GRID2: variants seen among roughly 807,000 people sequenced by gnomAD.
GRID2 encodes glutamate receptor ionotropic, delta-2.
GRID2 carries 33 observed loss-of-function variants against 114.8 expected under a neutral mutation model. The ratio of observed to expected loss-of-function variants is 0.29; its 90% confidence interval spans 0.22 to 0.38. The LOEUF is 0.38. Among genes scored for constraint, GRID2 ranks in the 10% least tolerant of loss-of-function variants. The pLI is 1.00. For missense variants in GRID2, 1,184 were observed against 1,257.7 expected, an observed-to-expected ratio of 0.94 and a Z score of 0.89; for synonymous variants, 505 against 449.9, an observed-to-expected ratio of 1.12 and a Z score of -1.55.
chr4:93,394,724 T>G (rs1344351590), intron 8 of GRID2, among the ~76,000 whole-genome samples: 2 of 152,026 alleles, frequency 1.3e-5, no homozygotes, highest in Non-Finnish European at 2.9e-5. Context: ...GGCTCATGGA[T>G]CTGCTTTCAG....
intron 2 of GRID2, among the ~76,000 whole-genome samples, chr4:92,946,836 C>A (rs1751675298): frequency 6.6e-6 from 1 of 152,002 alleles, no homozygotes; most frequent in South Asian, 2.1e-4. Context: ...AATAGGCCTG[C>A]ATGAAAGCCA....
chr4:92,959,850 A>T (rs1254521009), intron 2 of GRID2, among the ~76,000 whole-genome samples: 1 of 151,864 alleles, frequency 6.6e-6, no homozygotes, highest in East Asian at 1.9e-4. Context: ...ACTGGGGCCT[A>T]TTGGGGGATA....
intron 8 of GRID2, among the ~76,000 whole-genome samples, chr4:93,387,036 A>G (rs1764385612): frequency 6.6e-6 from 1 of 152,190 alleles, no homozygotes; most frequent in Admixed American, 6.5e-5. Flanking sequence ...TCCTCTGTGA[A>G]GGCCTCCCAG....
At chr4:92,780,012 G>A (rs1429970403) in intron 2 of GRID2, among the ~76,000 whole-genome samples, 1 of 152,012 alleles carries the variant, frequency 6.6e-6, no homozygotes, top group Non-Finnish European at 1.5e-5. Context: ...TTAATAGAGA[G>A]AAATGAAAAA....
chr4:93,616,668 A>G (rs570411023), intron 13 of GRID2, among the ~76,000 whole-genome samples: 265 of 150,686 alleles, frequency 1.8e-3, no homozygotes, highest in African/African-American at 6.2e-3. Context: ...TTAAATTTAC[A>G]CTTGCAATGT....
intron 2 of GRID2, among the ~76,000 whole-genome samples, chr4:92,624,326 A>G (rs1285968597): frequency 2.6e-5 from 4 of 151,814 alleles, no homozygotes. Context: ...ACAACATGCT[A>G]TGAGTGATTT....
rs529325890 is a variant in GRID2, at chr4:93,127,080, A to G, written c.735+16127A>G. On this transcript the variant is annotated intron_variant, in intron 4 of 15. Transcript: ENST00000282020. ...CAAAAAACCCAATGGCATAGATAGA[A>G]CAGTATCTTAATTTCACAAATAAAA... Among the ~76,000 whole-genome samples, 8 of 152,328 alleles carry G rather than the reference A, an allele frequency of 5.3e-5. No homozygotes were observed. The East Asian group carries it at 1.5e-3, about 29-fold the overall frequency.
chr4:93,521,528 G>T (rs1017998489), intron 13 of GRID2, among the ~76,000 whole-genome samples: 1 of 152,084 alleles, frequency 6.6e-6, no homozygotes. Context: ...TCATGATAAA[G>T]GGTGATGAAT....
intron 2 of GRID2, among the ~76,000 whole-genome samples, chr4:92,996,023 C>T (rs979016848): frequency 4.0e-5 from 6 of 151,878 alleles, no homozygotes; most frequent in African/African-American, 1.5e-4. Flanking sequence ...GGCACAGTGG[C>T]TCATGCCTGT....
At chr4:93,720,312 G>A (rs1289774299) in intron 14 of GRID2, among the ~76,000 whole-genome samples, 1 of 152,114 alleles carries the variant, frequency 6.6e-6, no homozygotes, top group African/African-American at 2.4e-5. Flanking sequence ...TGATTATGTA[G>A]CAACCAAGGT....
At chr4:93,499,366 T>C (rs1264973044) in intron 12 of GRID2, among the ~76,000 whole-genome samples, 2 of 151,938 alleles carry the variant, frequency 1.3e-5, no homozygotes, top group Non-Finnish European at 2.9e-5. Context: ...AAAATTGGCT[T>C]GAAAAACTTT....
intron 9 of GRID2, among the ~76,000 whole-genome samples, chr4:93,399,997 G>T (rs928513252): frequency 6.6e-6 from 1 of 151,966 alleles, no homozygotes; most frequent in African/African-American, 2.4e-5. Context: ...CATATGAGTG[G>T]CACTAATTAC....
At chr4:93,217,544 A>C (rs1246711578) in intron 6 of GRID2, among the ~76,000 whole-genome samples, 2 of 152,092 alleles carry the variant, frequency 1.3e-5, no homozygotes. Context: ...TTTTCTTAAG[A>C]AAAAGCCTCT....
At chr4:92,961,463 T>C (rs1428235178) in intron 2 of GRID2, among the ~76,000 whole-genome samples, 1 of 151,558 alleles carries the variant, frequency 6.6e-6, no homozygotes, top group Non-Finnish European at 1.5e-5. Context: ...AATTTTAGGT[T>C]GATGATATTT....
chr4:92,508,130 T>C (rs1479381186), intron 1 of GRID2, among the ~76,000 whole-genome samples: 1 of 152,034 alleles, frequency 6.6e-6, no homozygotes, highest in Admixed American at 6.6e-5. Context: ...ACAGTATTTA[T>C]ATCTTATTCT....
intron 1 of GRID2, among the ~76,000 whole-genome samples, chr4:92,349,063 T>G (rs1026957018): frequency 2.6e-5 from 4 of 151,994 alleles, no homozygotes; most frequent in African/African-American, 9.7e-5. Context: ...AGAGGTTTTA[T>G]TAATGACCAC....
At chr4:93,104,906 T>G (rs1297453950) in intron 3 of GRID2, among the ~76,000 whole-genome samples, 1 of 152,032 alleles carries the variant, frequency 6.6e-6, no homozygotes, top group South Asian at 2.1e-4. Flanking sequence ...ATGGTTGAAC[T>G]AGTTTACAGT....
intron 13 of GRID2, among the ~76,000 whole-genome samples, chr4:93,575,542 T>C (rs1423002752): frequency 6.6e-6 from 1 of 152,180 alleles, no homozygotes; most frequent in Non-Finnish European, 1.5e-5. Flanking sequence ...GAGCAAGTAT[T>C]TGACCTCTTT....
intron 4 of GRID2, among the ~76,000 whole-genome samples, chr4:93,143,939 C>G (rs1245672265): frequency 6.6e-6 from 1 of 152,048 alleles, no homozygotes; most frequent in African/African-American, 2.4e-5. Flanking sequence ...TTACAAATTT[C>G]TAAGCCACTC....
Sources: allele counts gnomAD v4.1 joint callset (sites outside exome capture counted in the v4.1 genomes callset), GRCh38; gene constraint gnomAD v4.1.1; transcripts MANE v1.5; gene names NCBI Gene and HGNC (gene_info 2026-07-23, HGNC 2026-07-21).